WWOX: variants seen among roughly 807,000 people sequenced by gnomAD.
WWOX encodes WW domain containing oxidoreductase, also known as WW domain-containing oxidoreductase.
In WWOX, 69 loss-of-function variants were observed where a neutral mutation model predicts 46.2. The ratio of observed to expected loss-of-function variants is 1.49; its 90% CI spans 1.23 to 1.82. WWOX has a LOEUF of 1.82. Ranked by LOEUF, WWOX falls within the 40% of genes most tolerant of loss-of-function variation. The probability of loss-of-function intolerance (pLI) is 0.00; values close to 1 mark genes in which losing one functional copy is unlikely to be tolerated. For synonymous variants in WWOX, 359 were observed against 202.6 expected, an observed-to-expected ratio of 1.77 and a Z score of -6.56; for missense variants, 919 against 542.6, an observed-to-expected ratio of 1.69 and a Z score of -6.89.
intron 8 of WWOX, among the ~76,000 whole-genome samples, chr16:78,710,498 A>AAATATAT (rs2048420235): frequency 7.5e-6 from 1 of 132,836 alleles, no homozygotes; most frequent in African/African-American, 2.9e-5. Flanking sequence ...ATATATATAT[A>AAATATAT]TTTATATAAA....
chr16:78,698,309 C>G (rs555486751), intron 8 of WWOX, among the ~76,000 whole-genome samples: 13 of 152,150 alleles, frequency 8.5e-5, no homozygotes, highest in Admixed American at 7.9e-4. Context: ...AGTGTGCAGA[C>G]GAAGGGAGAT....
chr16:78,813,561 G>A (rs191708195), intron 8 of WWOX, among the ~76,000 whole-genome samples: 35 of 152,172 alleles, frequency 2.3e-4, no homozygotes, highest in Middle Eastern at 3.4e-3. Flanking sequence ...ATGTATATGT[G>A]GGCAGGAATG....
At chr16:78,446,154 C>T (rs767873948) in intron 8 of WWOX, among the ~76,000 whole-genome samples, 2 of 152,188 alleles carry the variant, frequency 1.3e-5, no homozygotes, top group South Asian at 4.1e-4. Flanking sequence ...ATTCATAAAA[C>T]TAGTTAGTAA....
intron 5 of WWOX, among the ~76,000 whole-genome samples, chr16:78,284,805 G>T (rs1188444936): frequency 6.6e-6 from 1 of 152,144 alleles, no homozygotes; most frequent in East Asian, 1.9e-4. Flanking sequence ...TACAAAGCTT[G>T]GTCCTAACAG....
At chr16:79,083,041 C>A (rs1348725713) in intron 8 of WWOX, among the ~76,000 whole-genome samples, 1 of 152,112 alleles carries the variant, frequency 6.6e-6, no homozygotes, top group African/African-American at 2.4e-5. Context: ...AACTTGGGGC[C>A]TCTTGTTTCA....
intron 5 of WWOX, among the ~76,000 whole-genome samples, chr16:78,333,043 C>CTTTTTTTTTTTTTTTTGTTTTTTTTTT (rs2080798510): frequency 1.8e-5 from 1 of 57,094 alleles, no homozygotes; most frequent in African/African-American, 5.4e-5. Flanking sequence ...GAGCATTATA[C>CTTTTTTTTTTTTTTTTGTTTTTTTTTT]TTTTTTTTTT....
intron 8 of WWOX, among the ~76,000 whole-genome samples, chr16:78,493,862 T>C (rs2084846331): frequency 6.6e-6 from 1 of 152,220 alleles, no homozygotes; most frequent in Non-Finnish European, 1.5e-5. Context: ...TCATCGTCAA[T>C]TTTCTTTCCA....
intron 8 of WWOX, among the ~76,000 whole-genome samples, chr16:78,704,329 G>C (rs904515511): frequency 2.2e-4 from 33 of 152,158 alleles, no homozygotes; most frequent in African/African-American, 7.7e-4. Flanking sequence ...TAAGATGTCA[G>C]CACATGACCT....
intron 8 of WWOX, among the ~76,000 whole-genome samples, chr16:79,140,377 G>T (rs187928923): frequency 6.6e-6 from 1 of 152,134 alleles, no homozygotes; most frequent in Non-Finnish European, 1.5e-5. Context: ...AACTTCCACC[G>T]CAGCATCCGC....
chr16:78,386,960 A>G lies in WWOX; in HGVS notation c.605+12A>G, dbSNP rs747410557. 1 of 1,611,248 alleles carries G rather than the reference A, an allele frequency of 6.2e-7. No homozygotes were observed. Among genetic ancestry groups the G allele is most frequent in the South Asian group, 1.1e-5 (1 of 91,028 alleles). Reference sequence around the variant, plus strand: ...AAGGCCAAGAATGTGTGAGTGTTCCAGTGGAGGGTTATAGATCATAATTTC... The same window carrying G: ...AAGGCCAAGAATGTGTGAGTGTTCCGGTGGAGGGTTATAGATCATAATTTC... On this transcript the variant is annotated intron_variant, in intron 6 of 8. Coordinates refer to ENST00000566780, the MANE Select transcript of WWOX (RefSeq NM_016373.4).
intron 8 of WWOX, among the ~76,000 whole-genome samples, chr16:79,107,719 C>A (rs1408434566): frequency 1.3e-5 from 2 of 152,270 alleles, no homozygotes; most frequent in East Asian, 3.9e-4. Flanking sequence ...TCACATCCTT[C>A]CCCCAGAAAT....
intron 8 of WWOX, among the ~76,000 whole-genome samples, chr16:78,546,584 G>T (rs2044037623): frequency 6.6e-6 from 1 of 152,130 alleles, no homozygotes; most frequent in Non-Finnish European, 1.5e-5. Flanking sequence ...AAAACTTCTG[G>T]ATACCTGAGA....
intron 8 of WWOX, among the ~76,000 whole-genome samples, chr16:79,186,332 C>A (rs980886553): frequency 1.3e-5 from 2 of 152,160 alleles, no homozygotes; most frequent in Non-Finnish European, 2.9e-5. Flanking sequence ...GTGGACAGGG[C>A]CATGCTCCTT....
At chr16:79,123,177 C>T (rs1309976349) in intron 8 of WWOX, among the ~76,000 whole-genome samples, 2 of 151,972 alleles carry the variant, frequency 1.3e-5, no homozygotes, top group African/African-American at 2.4e-5. Context: ...GGGAGGACAC[C>T]GCTGGTCTGT....
chr16:78,160,007 T>C (rs1433976734), intron 4 of WWOX, among the ~76,000 whole-genome samples: 3 of 152,062 alleles, frequency 2.0e-5, no homozygotes, highest in Non-Finnish European at 2.9e-5. Flanking sequence ...GTTTTTTCAA[T>C]TGACAGACTT....
chr16:78,422,880 CACACAT>C (rs1383112092), intron 6 of WWOX, among the ~76,000 whole-genome samples: 15 of 130,834 alleles, frequency 1.1e-4, no homozygotes, highest in East Asian at 5.0e-4. Context: ...CACACACACA[CACACAT>C]ATATTTTTTT....
intron 8 of WWOX, among the ~76,000 whole-genome samples, chr16:78,907,894 G>T (rs574389382): frequency 6.6e-6 from 1 of 152,310 alleles, no homozygotes; most frequent in Admixed American, 6.5e-5. Flanking sequence ...AAGGGTCGAT[G>T]AATTCACCAA....
intron 8 of WWOX, chr16:78,899,765 CA>C (rs1428645569): frequency 6.6e-6 from 1 of 152,144 alleles, no homozygotes; most frequent in African/African-American, 2.4e-5. Context: ...GAATTGTGTG[CA>C]AAGCAGCATT....
intron 8 of WWOX, among the ~76,000 whole-genome samples, chr16:79,097,016 G>C (rs936616507): frequency 5.3e-5 from 8 of 152,092 alleles, no homozygotes; most frequent in African/African-American, 1.4e-4. Flanking sequence ...ACTTTCTGTG[G>C]CATAGAAGGC....
Sources: allele counts gnomAD v4.1 joint callset (sites outside exome capture counted in the v4.1 genomes callset), GRCh38; gene constraint gnomAD v4.1.1; transcripts MANE v1.5; gene names NCBI Gene and HGNC (gene_info 2026-07-23, HGNC 2026-07-21).